The following TTC27 variants were observed in gnomAD, a reference collection of about 807,000 sequenced individuals.
TTC27 encodes the protein tetratricopeptide repeat protein 27.
Under a neutral mutation model 115.9 loss-of-function variants are expected in TTC27, and 79 were observed. That is an observed-to-expected ratio of 0.68 (90% CI 0.57 to 0.82). The LOEUF (loss-of-function observed/expected upper bound fraction) is 0.82. TTC27 is among the 40% of genes least tolerant of loss of function. The pLI is 0.00. For synonymous variants in TTC27, 401 were observed against 356.0 expected (o/e 1.13, Z -1.42); for missense variants, 1,054 against 993.1 (o/e 1.06, Z -0.82).
At chr2:32,806,467 T>G (rs1671130592) in intron 16 of TTC27, among the ~76,000 whole-genome samples, 1 of 152,170 alleles carries the variant, frequency 6.6e-6, no homozygotes, top group African/African-American at 2.4e-5. Flanking sequence ...TCTGACTTAG[T>G]GGGAATAAAA....
intron 10 of TTC27, among the ~76,000 whole-genome samples, chr2:32,716,753 A>G (rs1228401504): frequency 1.3e-5 from 2 of 151,714 alleles, no homozygotes; most frequent in Non-Finnish European, 2.9e-5. Flanking sequence ...GTGCAGTGGT[A>G]CAAACATGGC....
chr2:32,705,349 A>G (rs1037647081), intron 10 of TTC27, among the ~76,000 whole-genome samples: 4 of 152,188 alleles, frequency 2.6e-5, no homozygotes, highest in African/African-American at 4.8e-5. Flanking sequence ...TTTATAAATT[A>G]CCAAGCCTCA....
intron 9 of TTC27, among the ~76,000 whole-genome samples, chr2:32,692,898 C>T (rs6543663): frequency 0.18 from 26,936 of 151,646 alleles, 2,786 homozygotes; most frequent in South Asian, 0.34. Context: ...ATCGTGTGAA[C>T]CCAGGAAGCG....
At chr2:32,705,527 A>AT (rs978032154) in intron 10 of TTC27, among the ~76,000 whole-genome samples, 8 of 145,816 alleles carry the variant, frequency 5.5e-5, no homozygotes, top group South Asian at 5.1e-4. Context: ...AGGTTTTAGC[A>AT]TTTTAAAAAA....
intron 10 of TTC27, among the ~76,000 whole-genome samples, chr2:32,724,267 C>T (rs1169529773): frequency 6.6e-6 from 1 of 152,048 alleles, no homozygotes; most frequent in Non-Finnish European, 1.5e-5. Context: ...CCTGGGAGTC[C>T]TTAGGCCATT....
chr2:32,734,217 A>T (rs1232777839), intron 11 of TTC27, among the ~76,000 whole-genome samples: 1 of 151,814 alleles, frequency 6.6e-6, no homozygotes, highest in Non-Finnish European at 1.5e-5. Flanking sequence ...TTTTTAAGGG[A>T]TGAGGTCTTG....
At chr2:32,786,585 C>T (rs1318277780) in intron 15 of TTC27, among the ~76,000 whole-genome samples, 1 of 152,084 alleles carries the variant, frequency 6.6e-6, no homozygotes, top group Non-Finnish European at 1.5e-5. Context: ...TTTTGACCTC[C>T]TTGCCTCTGG....
At chr2:32,737,337 T>C (rs1290067849) in intron 12 of TTC27, among the ~76,000 whole-genome samples, 3 of 152,206 alleles carry the variant, frequency 2.0e-5, no homozygotes, top group Admixed American at 2.0e-4. Flanking sequence ...TGTTGTTTTT[T>C]TCCCCTCATA....
intron 12 of TTC27, among the ~76,000 whole-genome samples, chr2:32,756,057 A>G (rs1443201426): frequency 6.6e-6 from 1 of 152,226 alleles, no homozygotes; most frequent in East Asian, 1.9e-4. Context: ...ACCAGATCAG[A>G]TACCAATCAC....
At chr2:32,738,678 A>T (rs1448540855) in intron 12 of TTC27, among the ~76,000 whole-genome samples, 1 of 152,266 alleles carries the variant, frequency 6.6e-6, no homozygotes, top group Non-Finnish European at 1.5e-5. Flanking sequence ...GCACTGAAAC[A>T]AAAAGTTATT....
chr2:32,724,271 G>A (rs1460436153), intron 10 of TTC27, among the ~76,000 whole-genome samples: 1 of 152,046 alleles, frequency 6.6e-6, no homozygotes, highest in South Asian at 2.1e-4. Context: ...GGAGTCCTTA[G>A]GCCATTTCAG....
chr2:32,660,243 G>T (rs564711113), intron 5 of TTC27, among the ~76,000 whole-genome samples: 1 of 152,194 alleles, frequency 6.6e-6, no homozygotes, highest in Non-Finnish European at 1.5e-5. Flanking sequence ...TTGTGGTTTG[G>T]ATTTGCATTT....
chr2:32,791,997 C>T (rs1323311279), intron 16 of TTC27, among the ~76,000 whole-genome samples: 2 of 152,204 alleles, frequency 1.3e-5, no homozygotes. Flanking sequence ...ACAGAAAGTT[C>T]TCTTACATGC....
chr2:32,736,700 C>T lies in TTC27; in HGVS notation c.1336C>T (p.Leu446Phe). ...VPPHWAIQRQ[L>F]ASLLFELGCT... Reference sequence around the variant, plus strand: ...TTTTACTTGATTTTTCTAGCGCCAACTTGCAAGTTTGCTCTTTGAGTTGGG... The same window carrying T: ...TTTTACTTGATTTTTCTAGCGCCAATTTGCAAGTTTGCTCTTTGAGTTGGG... Residue 446 changes from leucine (L) to phenylalanine (F), a missense_variant, in exon 12 of 20, where the codon CTT becomes TTT. By Grantham distance (22) the Leu-to-Phe change is conservative. Transcript: ENST00000317907. 6.2e-7 allele frequency: 1 copy of T among 1,613,734 alleles called. No homozygotes were observed. The highest frequency in any genetic ancestry group is 1.1e-5 in the South Asian group (1 of 91,030).
In TTC27 at chr2:32,820,205, T is replaced by C. The variant is rs191994020; in HGVS notation, c.2410-611T>C. Among the ~76,000 whole-genome samples the C allele has an allele frequency of 5.4e-4, 83 of 152,362 alleles. 1 individual carries two copies. Among genetic ancestry groups the C allele is most frequent in the Admixed American group, 4.4e-3 (68 of 15,304 alleles). On this transcript the variant is annotated intron_variant, in intron 19 of 19. Transcript: ENST00000317907. ...GGGTCATAAAATCCTGAAGTTGATT[T>C]TCTTGGGGGCCTATGTTGGCTCAGC...
chr2:32,736,867 C>T (rs759476020), intron 12 of TTC27, 51 bp downstream of exon 12: 3 of 1,586,288 alleles, frequency 1.9e-6, no homozygotes, highest in Admixed American at 1.8e-5. Flanking sequence ...CCTCTGGGAG[C>T]ATCTTCTCAC....
chr2:32,688,269 G>A (rs1420194324), intron 9 of TTC27, among the ~76,000 whole-genome samples: 1 of 152,092 alleles, frequency 6.6e-6, no homozygotes, highest in African/African-American at 2.4e-5. Context: ...AAATTTATAT[G>A]TGAAGGTCAT....
chr2:32,650,192 C>T lies in TTC27; in HGVS notation c.599C>T (p.Ser200Leu). 1 of 1,613,900 alleles carries T rather than the reference C, an allele frequency of 6.2e-7. No individual in the cohort carries two copies. Among genetic ancestry groups the T allele is most frequent in the Non-Finnish European group, 8.5e-7 (1 of 1,179,898 alleles). Residue 200 changes from serine to leucine, a missense_variant, in exon 5 of 20, where the codon TCA (serine) becomes TTA (leucine). Physicochemically the swap from Ser to Leu is moderately radical, Grantham distance 145. Coordinates refer to ENST00000317907, the MANE Select transcript of TTC27 (RefSeq NM_017735.5). ...CATCAGCATTTGCTTGAGGAACGCTCACCTCTGCTTTTTACTCTTGCCGAA... is the reference window on the plus strand; with the variant it reads ...CATCAGCATTTGCTTGAGGAACGCTTACCTCTGCTTTTTACTCTTGCCGAA... ...NIHQHLLEER[S>L]PLLFTLAENC...
chr2:32,771,999 T>G (rs1669845651), intron 13 of TTC27, among the ~76,000 whole-genome samples: 2 of 152,352 alleles, frequency 1.3e-5, no homozygotes, highest in African/African-American at 4.8e-5. Flanking sequence ...GTTTGAATAC[T>G]GATTATCAAT....
Sources: allele counts gnomAD v4.1 joint callset (sites outside exome capture counted in the v4.1 genomes callset), GRCh38; gene constraint gnomAD v4.1.1; transcripts MANE v1.5; gene names NCBI Gene and HGNC (gene_info 2026-07-23, HGNC 2026-07-21).